TOX3: variants seen among roughly 807,000 people sequenced by gnomAD.
TOX3 encodes the protein CAG trinucleotide repeat-containing gene F9 protein.
In TOX3, 22 loss-of-function variants were observed where a neutral mutation model predicts 64.3. The ratio of observed to expected loss-of-function variants is 0.34; its 90% CI spans 0.24 to 0.49. The LOEUF is 0.49. Ranked by LOEUF, TOX3 falls within the 20% of genes least tolerant of loss-of-function variation. The pLI is 0.99. For missense variants in TOX3, 661 were observed against 714.4 expected (o/e 0.93, Z 0.85); for synonymous variants, 291 against 273.6 (o/e 1.06, Z -0.63).
intron 6 of TOX3, among the ~76,000 whole-genome samples, chr16:52,442,260 G>A (rs902959685): frequency 3.0e-4 from 45 of 152,082 alleles, no homozygotes; most frequent in Admixed American, 2.8e-3. Flanking sequence ...AAGGGGGGAG[G>A]TCTGAGGCTC....
chr16:52,462,778 T>A (rs925765357), intron 3 of TOX3, among the ~76,000 whole-genome samples: 1 of 151,908 alleles, frequency 6.6e-6, no homozygotes, highest in African/African-American at 2.4e-5. Flanking sequence ...ATTTGTGATG[T>A]CTAGTAACGT....
chr16:52,491,089 T>C (rs1008679886), intron 1 of TOX3, among the ~76,000 whole-genome samples: 4 of 152,344 alleles, frequency 2.6e-5, no homozygotes, highest in African/African-American at 9.6e-5. Context: ...ATTAAAACTC[T>C]TTTCCTCATT....
At chr16:52,493,301 C>T (rs1037235184) in intron 1 of TOX3, among the ~76,000 whole-genome samples, 1 of 152,132 alleles carries the variant, frequency 6.6e-6, no homozygotes, top group Non-Finnish European at 1.5e-5. Context: ...ACACACACAT[C>T]GTATAACCAC....
Position 52,456,100 on chromosome 16 carries a change from G to A in TOX3, c.409-5554C>T, listed in dbSNP as rs913024096. 1.1e-4 allele frequency among the ~76,000 whole-genome samples: 17 copies of A among 152,188 alleles called. No homozygotes were observed. In the East Asian group the frequency reaches 1.5e-3, roughly 14 times the overall value. On this transcript the variant is annotated intron_variant, in intron 3 of 6. Transcript: ENST00000219746. ...GCTGGCTATGAGGCTGGAACGGCAA[G>A]TCATGGCCATAAAGTGACAAGGTTT...
At chr16:52,473,581 C>A (rs553213299) in intron 1 of TOX3, among the ~76,000 whole-genome samples, 2 of 152,120 alleles carry the variant, frequency 1.3e-5, no homozygotes, top group African/African-American at 4.8e-5. Flanking sequence ...TTAACTACCC[C>A]CTGGAAGAGA....
At chr16:52,445,149 A>G (rs1182020566) in intron 5 of TOX3, 1 of 152,206 alleles carries the variant, frequency 6.6e-6, no homozygotes, top group East Asian at 1.9e-4. Context: ...GCAAACTAAA[A>G]AGAAATTTCT....
At chr16:52,440,824 G>T (rs181744754) in intron 6 of TOX3, among the ~76,000 whole-genome samples, 8 of 136,552 alleles carry the variant, frequency 5.9e-5, no homozygotes, top group Non-Finnish European at 1.2e-4. Flanking sequence ...GCAGCGGCGC[G>T]ATCTCAGCTC....
At chr16:52,468,471 C>T (rs778701656) in intron 2 of TOX3, 38 bp downstream of exon 2, 5 of 1,584,498 alleles carry the variant, frequency 3.2e-6, no homozygotes, top group Admixed American at 1.7e-5. Flanking sequence ...CTCAATAACA[C>T]AAAAAACAGG....
In TOX3 at chr16:52,439,790, G is replaced by T. The variant is rs1959896956; in HGVS notation, c.1166C>A (p.Thr389Asn). The T allele has an allele frequency of 6.2e-7, 1 of 1,613,974 alleles. No individual in the cohort carries two copies. ...LPRSIAPKPL[T>N]MRLPMNQIVT... ...AATCTGGTTCATGGGGAGTCTCATG[G>T]TTAAGGGTTTGGGAGCGATTGACCT... Residue 389 changes from threonine to asparagine, a missense_variant, in exon 7 of 7, where the codon ACC (threonine) becomes AAC (asparagine). This residue lies in a region of TOX3 where 299 missense variants were observed against 292.1 expected (regional missense o/e 1.02). Transcript: ENST00000219746.
intron 1 of TOX3, among the ~76,000 whole-genome samples, chr16:52,508,571 A>C (rs1360969116): frequency 6.6e-6 from 1 of 152,216 alleles, no homozygotes; most frequent in African/African-American, 2.4e-5. Flanking sequence ...TCCACTTATA[A>C]AGAAACCAGG....
chr16:52,500,994 C>T (rs1048411716), intron 1 of TOX3, among the ~76,000 whole-genome samples: 1 of 152,158 alleles, frequency 6.6e-6, no homozygotes, highest in Non-Finnish European at 1.5e-5. Flanking sequence ...TTACTAGACA[C>T]CTCTACTAAA....
At chr16:52,532,766 G>T (rs925091515) in intron 1 of TOX3, among the ~76,000 whole-genome samples, 1 of 152,176 alleles carries the variant, frequency 6.6e-6, no homozygotes, top group Non-Finnish European at 1.5e-5. Context: ...GAAGAAGGGG[G>T]AAAGCTGTAG....
intron 6 of TOX3, among the ~76,000 whole-genome samples, chr16:52,441,611 G>C (rs556490371): frequency 6.6e-6 from 1 of 152,250 alleles, no homozygotes; most frequent in South Asian, 2.1e-4. Context: ...GTTTTTGGGG[G>C]TGTGTTGTAG....
In TOX3 at chr16:52,437,969, A is replaced by C. The variant is rs926980747; in HGVS notation, c.*1256T>G. On this transcript the variant is annotated 3_prime_UTR_variant, in exon 7 of 7. Coordinates refer to ENST00000219746, the MANE Select transcript of TOX3 (RefSeq NM_001080430.4). ...TAAAACGAAACTTGGTATGTGGCAT[A>C]TTTCCCCATCTTACATGTATTCAAG... 4 of 152,604 alleles carry C rather than the reference A, an allele frequency of 2.6e-5. No homozygotes were observed. Among genetic ancestry groups the C allele is most frequent in the African/African-American group, 4.8e-5 (2 of 41,450 alleles). The allele number at this position is 152,604 out of a possible 1,614,324, so 9.5% of individuals were successfully genotyped here.
chr16:52,483,925 G>A (rs570031994), intron 1 of TOX3, among the ~76,000 whole-genome samples: 40 of 152,130 alleles, frequency 2.6e-4, no homozygotes, highest in Middle Eastern at 3.2e-3. Context: ...CCTAGTGGTA[G>A]AACCTGAAGT....
At chr16:52,542,463 A>T (rs1963094371) in intron 1 of TOX3, among the ~76,000 whole-genome samples, 1 of 152,244 alleles carries the variant, frequency 6.6e-6, no homozygotes, top group Non-Finnish European at 1.5e-5. Flanking sequence ...AAAATTCATG[A>T]TAATTCACAT....
chr16:52,513,022 C>T (rs1962351738), intron 1 of TOX3, among the ~76,000 whole-genome samples: 1 of 152,148 alleles, frequency 6.6e-6, no homozygotes, highest in South Asian at 2.1e-4. Context: ...TACATAATGT[C>T]ACGTTGCATA....
chr16:52,502,285 A>G (rs2151465398), intron 1 of TOX3, among the ~76,000 whole-genome samples: 1 of 152,304 alleles, frequency 6.6e-6, no homozygotes, highest in South Asian at 2.1e-4. Context: ...AAAAAGCCAC[A>G]CTTTTCCATG....
At chr16:52,546,522 A>G (rs1249800296) in intron 1 of TOX3, 115 bp downstream of exon 1, 2 of 901,858 alleles carry the variant, frequency 2.2e-6, no homozygotes, top group Non-Finnish European at 3.3e-6. Flanking sequence ...GGTAGAAGAG[A>G]CATGGGAGGA....
Sources: allele counts gnomAD v4.1 joint callset (sites outside exome capture counted in the v4.1 genomes callset), GRCh38; gene constraint gnomAD v4.1.1; regional missense constraint gnomAD v4.1.1; transcripts MANE v1.5; gene names NCBI Gene and HGNC (gene_info 2026-07-23, HGNC 2026-07-21).